The following PODXL variants were observed in gnomAD, a reference collection of about 807,000 sequenced individuals.
PODXL encodes podocalyxin like.
Under a neutral mutation model 48.9 loss-of-function variants are expected in PODXL, and 20 were observed. That is an observed-to-expected ratio of 0.41 (90% CI 0.29 to 0.59). The LOEUF is 0.59. PODXL is among the 20% of genes least tolerant of loss of function. The pLI is 0.31. For synonymous variants in PODXL, 295 were observed against 287.4 expected, an observed-to-expected ratio of 1.03 and a Z score of -0.27; for missense variants, 606 against 675.1, an observed-to-expected ratio of 0.90 and a Z score of 1.13.
At chr7:131,520,236 G>A in intron 1 of PODXL, 1 of 445,462 alleles carries the variant, frequency 2.2e-6, no homozygotes, top group Non-Finnish European at 4.4e-6. Context: ...GAGCTTCCTG[G>A]AGTGGGCTTC....
chr7:131,522,549 T>C lies in PODXL; in HGVS notation c.101-11116A>G, dbSNP rs1798107472. 2.6e-5 allele frequency among the ~76,000 whole-genome samples: 4 copies of C among 152,118 alleles called. No individual in the cohort carries two copies. In the South Asian group the frequency reaches 8.3e-4, roughly 32 times the overall value. ...AGCCAAGCAGGGACCCACAGAGATA[T>C]TACTGGAGGACTTTGCAGCCCCGGG... On this transcript the variant is annotated intron_variant, in intron 1 of 8. Transcript: ENST00000378555.
chr7:131,548,578 G>A (rs969079140), intron 1 of PODXL, among the ~76,000 whole-genome samples: 2 of 152,206 alleles, frequency 1.3e-5, no homozygotes, highest in Non-Finnish European at 2.9e-5. Context: ...TGGACCACGA[G>A]GCCACGTGTG....
At chr7:131,552,098 C>A (rs1309446317) in intron 1 of PODXL, among the ~76,000 whole-genome samples, 1 of 152,222 alleles carries the variant, frequency 6.6e-6, no homozygotes, top group East Asian at 1.9e-4. Flanking sequence ...GCCAGACATC[C>A]CTTCCCAGGA....
chr7:131,540,473 A>G (rs1356657864), intron 1 of PODXL, among the ~76,000 whole-genome samples: 1 of 151,664 alleles, frequency 6.6e-6, no homozygotes, highest in Non-Finnish European at 1.5e-5. Flanking sequence ...CCGCCCCCCA[A>G]TACCCATCAC....
At chr7:131,528,460 T>C (rs1798222503) in intron 1 of PODXL, among the ~76,000 whole-genome samples, 1 of 151,988 alleles carries the variant, frequency 6.6e-6, no homozygotes, top group African/African-American at 2.4e-5. Flanking sequence ...CACACAGAGG[T>C]TGTGAAAACA....
At chr7:131,506,452 G>C in intron 6 of PODXL, 127 bp downstream of exon 6, 1 of 1,422,026 alleles carries the variant, frequency 7.0e-7, no homozygotes, top group Non-Finnish European at 9.9e-7. Context: ...CTGGGAGGGG[G>C]TGTGGCTTGA....
chr7:131,541,831 G>A (rs148490449), intron 1 of PODXL, among the ~76,000 whole-genome samples: 6 of 152,246 alleles, frequency 3.9e-5, no homozygotes, highest in Admixed American at 6.5e-5. Context: ...TGTTTGAGAC[G>A]CTAGAGTTCG....
chr7:131,538,656 G>A (rs967705030), intron 1 of PODXL, among the ~76,000 whole-genome samples: 2 of 152,054 alleles, frequency 1.3e-5, no homozygotes, highest in African/African-American at 4.8e-5. Flanking sequence ...AGATTCCTGC[G>A]TCGCCACTCC....
chr7:131,506,080 CCT>C lies in PODXL; in HGVS notation c.1312-47_1312-46del, dbSNP rs1391697234. ...GAACAGGCTGGGGGCATCCTCTCTC[CCT>C]CAGCCCCCGGCTTCACTGTAGAGCC... On this transcript the variant is annotated intron_variant, in intron 7 of 8. Coordinates refer to ENST00000378555, the MANE Select transcript of PODXL (RefSeq NM_001018111.3). The C allele has an allele frequency of 3.1e-6, 5 of 1,588,060 alleles. No homozygotes were observed. The African/African-American group carries it at 6.7e-5, about 21-fold the overall frequency.
intron 1 of PODXL, among the ~76,000 whole-genome samples, chr7:131,521,831 G>T (rs981159268): frequency 6.6e-6 from 1 of 152,158 alleles, no homozygotes; most frequent in Non-Finnish European, 1.5e-5. Flanking sequence ...AAAACAGCCG[G>T]TGCTGAAACT....
At chr7:131,541,991 G>A (rs939664311) in intron 1 of PODXL, among the ~76,000 whole-genome samples, 1 of 152,168 alleles carries the variant, frequency 6.6e-6, no homozygotes, top group African/African-American at 2.4e-5. Context: ...ACAGAGGCAT[G>A]ACTGAGTACA....
At chr7:131,508,722 G>C (rs948754079) in intron 5 of PODXL, among the ~76,000 whole-genome samples, 1 of 148,570 alleles carries the variant, frequency 6.7e-6, no homozygotes, top group South Asian at 2.2e-4. Flanking sequence ...TGGGAGGGGG[G>C]GGTCCAGTCC....
chr7:131,539,726 C>A (rs182412208), intron 1 of PODXL, among the ~76,000 whole-genome samples: 1 of 152,210 alleles, frequency 6.6e-6, no homozygotes, highest in African/African-American at 2.4e-5. Context: ...CCAGCCTTGC[C>A]GACCCCCTGC....
Position 131,556,380 on chromosome 7 carries a change from G to C in PODXL, c.-21C>G. On this transcript the variant is annotated 5_prime_UTR_variant, in exon 1 of 9. Transcript: ENST00000378555. ...CGCATCGTGTCGTCGCCTCTGGGCC[G>C]GGAGCAGGTGGCTGCGGTGCCGGCG... 8 of 1,361,872 alleles carry C rather than the reference G, an allele frequency of 5.9e-6. No homozygotes were observed. Among genetic ancestry groups the C allele is most frequent in the Non-Finnish European group, 7.6e-6 (8 of 1,057,466 alleles). The allele number at this position is 1,361,872 out of a possible 1,614,324, so 84.4% of individuals were successfully genotyped here. A position where few individuals can be genotyped will look rare whatever the true frequency, so the allele number is the denominator to read the frequency against.
At chr7:131,520,131 C>T (rs1042115539) in intron 1 of PODXL, 13 of 227,676 alleles carry the variant, frequency 5.7e-5, no homozygotes, top group East Asian at 2.4e-4. Flanking sequence ...AACTTGGGTG[C>T]GGTAAAATGG....
chr7:131,553,316 C>T (rs189316028), intron 1 of PODXL, among the ~76,000 whole-genome samples: 83 of 152,318 alleles, frequency 5.4e-4, no homozygotes, highest in African/African-American at 1.9e-3. Context: ...CAGACCACCC[C>T]TTCCAAATCT....
chr7:131,550,394 T>C (rs987383531), intron 1 of PODXL, among the ~76,000 whole-genome samples: 5 of 152,196 alleles, frequency 3.3e-5, no homozygotes, highest in Non-Finnish European at 5.9e-5. Context: ...TGATGGCTCA[T>C]GCCTGTAATC....
Position 131,555,215 on chromosome 7 carries a change from G to A in PODXL, c.100+1045C>T, listed in dbSNP as rs1016469474. 2.0e-4 allele frequency among the ~76,000 whole-genome samples: 30 copies of A among 152,174 alleles called. No homozygotes were observed. The South Asian group carries it at 3.3e-3, about 17-fold the overall frequency. On this transcript the variant is annotated intron_variant, in intron 1 of 8. Transcript: ENST00000378555. Reference sequence around the variant, plus strand: ...TCCCTACCCTGTCTGTGCTGTCCCCGCAGTCCTCCTGGCCCTAGGGTGATC... The same window carrying A: ...TCCCTACCCTGTCTGTGCTGTCCCCACAGTCCTCCTGGCCCTAGGGTGATC...
At chr7:131,548,165 CTTCCTGAGAGCTGTGT>C (rs1386563473) in intron 1 of PODXL, among the ~76,000 whole-genome samples, 3 of 152,236 alleles carry the variant, frequency 2.0e-5, no homozygotes, top group Admixed American at 6.5e-5. Context: ...TGGGACCAGG[CTTCCTGAGAGCTGTGT>C]TTCCTGAGAG....
Sources: allele counts gnomAD v4.1 joint callset (sites outside exome capture counted in the v4.1 genomes callset), GRCh38; gene constraint gnomAD v4.1.1; transcripts MANE v1.5; gene names NCBI Gene and HGNC (gene_info 2026-07-23, HGNC 2026-07-21).